Variants in CCDC93 observed in about 807,000 individuals in gnomAD.
CCDC93 encodes coiled-coil domain-containing protein 93.
CCDC93 carries 61 observed loss-of-function variants against 108.2 expected under a neutral mutation model. The ratio of observed to expected loss-of-function variants is 0.56; its 90% CI spans 0.46 to 0.70. The LOEUF (loss-of-function observed/expected upper bound fraction) is 0.70, where lower values mean the gene tolerates loss of function less well. Ranked by LOEUF, CCDC93 falls within the 30% of genes least tolerant of loss-of-function variation. CCDC93 has a pLI of 0.00. For synonymous variants in CCDC93, 276 were observed against 260.4 expected, an observed-to-expected ratio of 1.06 and a Z score of -0.58; for missense variants, 685 against 764.2, an observed-to-expected ratio of 0.90 and a Z score of 1.22.
chr2:117,985,043 G>A (rs535798602), intron 7 of CCDC93, among the ~76,000 whole-genome samples: 2 of 151,840 alleles, frequency 1.3e-5, no homozygotes, highest in South Asian at 4.1e-4. Flanking sequence ...AGCAACTAGT[G>A]AACTGTGGGG....
At position 117,975,827 on chromosome 2, in the gene CCDC93, A is replaced by G. The variant is rs570872829; in HGVS notation, c.658-547T>C. On this transcript the variant is annotated intron_variant, in intron 8 of 23. Transcript: ENST00000376300. Reference sequence around the variant, plus strand: ...ATACGTTTACTGCTCAGAGTAATCAAAACAGTTTGAATACCACTGGTGTGA... The same window carrying G: ...ATACGTTTACTGCTCAGAGTAATCAGAACAGTTTGAATACCACTGGTGTGA... Among the ~76,000 whole-genome samples, 14 of 152,326 alleles carry G rather than the reference A, an allele frequency of 9.2e-5. No homozygotes were observed. The East Asian group carries it at 2.7e-3, about 29-fold the overall frequency.
intron 23 of CCDC93, among the ~76,000 whole-genome samples, chr2:117,923,677 C>A (rs181295950): frequency 8.0e-4 from 77 of 96,050 alleles, no homozygotes; most frequent in African/African-American, 3.6e-3. Context: ...TGCCTGCCTG[C>A]CTGCCTCTAT....
chr2:118,013,951 T>A lies in CCDC93; in HGVS notation c.42+3A>T. ...GTGTCAGGGAAGGAGGAGGCGTTCT[T>A]ACCTCCGGGAGACCCTGGCCCTCCG... On this transcript the variant is annotated splice_donor_region_variant and intron_variant, in intron 1 of 23. Coordinates refer to ENST00000376300, the MANE Select transcript of CCDC93 (RefSeq NM_019044.5). The A allele has an allele frequency of 6.3e-7, 1 of 1,589,868 alleles. No homozygotes were observed. Among genetic ancestry groups the A allele is most frequent in the East Asian group, 2.3e-5 (1 of 43,048 alleles).
chr2:118,004,150 C>T (rs1332116885), intron 3 of CCDC93, among the ~76,000 whole-genome samples: 3 of 152,178 alleles, frequency 2.0e-5, no homozygotes, highest in Non-Finnish European at 2.9e-5. Flanking sequence ...TAACTTGGTC[C>T]AGGTCCAATA....
Position 117,952,367 on chromosome 2 carries a change from G to C in CCDC93, c.1068+6C>G. The stretch of plus-strand genomic sequence containing the variant: ...CCCACAGAAGAAGGAGAATCTATCT[G>C]CTCACCTCTGTCAGCGTTTTCTTGG... On this transcript the variant is annotated splice_donor_region_variant and intron_variant, in intron 13 of 23. Transcript: ENST00000376300. The C allele has an allele frequency of 6.3e-7, 1 of 1,595,410 alleles. No homozygotes were observed. The highest frequency in any genetic ancestry group is 8.6e-7 in the Non-Finnish European group (1 of 1,162,858).
At chr2:117,927,080 T>A (rs1256765132) in intron 23 of CCDC93, among the ~76,000 whole-genome samples, 1 of 152,114 alleles carries the variant, frequency 6.6e-6, no homozygotes, top group Non-Finnish European at 1.5e-5. Flanking sequence ...CACTTCATGC[T>A]AAAAACTCTC....
At chr2:117,936,576 A>G in intron 21 of CCDC93, 126 bp downstream of exon 21, 1 of 789,360 alleles carries the variant, frequency 1.3e-6, no homozygotes, top group Non-Finnish European at 2.3e-6. Flanking sequence ...AAAGAGTAAG[A>G]ATCACATACC....
Position 118,008,580 on chromosome 2 carries a change from T to C in CCDC93, c.121A>G (p.Arg41Gly). The stretch of plus-strand genomic sequence containing the variant: ...GGTGATAAGCCTTTAATTCTTGCCC[T>C]GAAATACCCAGCTGCAACCAAGAGC... Reference protein sequence around the residue: ...LELLVAAGYFRARIKGLSPFD... With the variant: ...LELLVAAGYFGARIKGLSPFD... Residue 41 changes from arginine to glycine, a missense_variant, in exon 2 of 24, where the codon AGG (arginine) becomes GGG (glycine). Transcript: ENST00000376300. The C allele has an allele frequency of 1.2e-6, 2 of 1,612,926 alleles. No individual in the cohort carries two copies. Among genetic ancestry groups the C allele is most frequent in the Non-Finnish European group, 1.7e-6 (2 of 1,178,870 alleles).
intron 4 of CCDC93, chr2:117,997,807 A>G (rs1256676641): frequency 1.3e-5 from 2 of 152,208 alleles, no homozygotes; most frequent in African/African-American, 2.4e-5. Flanking sequence ...AGGGCCAACT[A>G]AGGCAGTTGG....
chr2:118,013,906 C>G (rs972717457), intron 1 of CCDC93, 48 bp downstream of exon 1: 2 of 1,509,210 alleles, frequency 1.3e-6, no homozygotes, highest in Middle Eastern at 1.8e-4. Context: ...CGGCTCGGCC[C>G]TCTCTTCAGG....
Position 118,009,789 on chromosome 2 carries a change from A to G in CCDC93, c.43-1131T>C, listed in dbSNP as rs559560789. The stretch of plus-strand genomic sequence containing the variant: ...CACTGTACTTCCCTTTTCGATCTCG[A>G]AAACAAATATATGAAAGGCTTCCAA... On this transcript the variant is annotated intron_variant, in intron 1 of 23. Coordinates refer to ENST00000376300, the MANE Select transcript of CCDC93 (RefSeq NM_019044.5). Among the ~76,000 whole-genome samples the G allele has an allele frequency of 1.2e-3, 182 of 152,348 alleles. 1 individual carries two copies. The highest frequency in any genetic ancestry group is 4.2e-3 in the African/African-American group (174 of 41,582).
intron 3 of CCDC93, among the ~76,000 whole-genome samples, chr2:118,003,505 A>G (rs1046022629): frequency 4.6e-5 from 7 of 152,206 alleles, no homozygotes; most frequent in South Asian, 2.1e-4. Context: ...ATTTTGGTTC[A>G]GCAGGAGGAG....
chr2:117,947,651 A>G (rs923016823), intron 15 of CCDC93, among the ~76,000 whole-genome samples: 1 of 150,320 alleles, frequency 6.7e-6, no homozygotes, highest in East Asian at 2.0e-4. Context: ...ATGGTGCTCT[A>G]TTCAGCTTAT....
At chr2:117,982,370 A>G (rs1335308710) in intron 7 of CCDC93, among the ~76,000 whole-genome samples, 1 of 152,154 alleles carries the variant, frequency 6.6e-6, no homozygotes, top group African/African-American at 2.4e-5. Flanking sequence ...TAGGTGTGCA[A>G]TTTTGTTTAC....
At chr2:117,949,751 T>C (rs779650156) in intron 13 of CCDC93, 85 of 984,576 alleles carry the variant, frequency 8.6e-5, no homozygotes, top group Non-Finnish European at 1.0e-4. Flanking sequence ...TAGTTGAAAA[T>C]AGTAGACTAA....
chr2:117,950,663 TG>T, intron 13 of CCDC93: 10 of 985,130 alleles, frequency 1.0e-5, no homozygotes, highest in Non-Finnish European at 1.2e-5. Context: ...CTCCTAACCT[TG>T]ATAGGTAAGG....
At position 117,945,555 on chromosome 2, in the gene CCDC93, T is replaced by C. The variant is rs1212150342; in HGVS notation, c.1324A>G (p.Thr442Ala). The C allele has an allele frequency of 6.2e-7, 1 of 1,613,868 alleles. No homozygotes were observed. Among genetic ancestry groups the C allele is most frequent in the Admixed American group, 1.7e-5 (1 of 60,014 alleles). Residue 442 changes from threonine (T) to alanine (A), a missense_variant, in exon 17 of 24, where the codon ACC (threonine) becomes GCC (alanine). Physicochemically the swap from Thr to Ala is moderately conservative, Grantham distance 58. Transcript: ENST00000376300. ...TCATGAGTCATTGCAGAGGTCAAGG[T>C]ACCAGGCGGCTCTCCACTGGAGAGG... ...KTLSSGEPPG[T>A]LTSAMTHDED...
At chr2:117,974,109 C>A in intron 10 of CCDC93, 115 bp from the exon 11 acceptor site, 1 of 758,894 alleles carries the variant, frequency 1.3e-6, no homozygotes, top group Non-Finnish European at 2.3e-6. Context: ...ATAATATTCC[C>A]AGGGGAAATA....
At position 117,916,273 on chromosome 2, in the gene CCDC93, C is replaced by T. The variant is rs1023732346; in HGVS notation, c.*4070G>A. 2.6e-5 allele frequency: 4 copies of T among 152,074 alleles called. No individual in the cohort carries two copies. Among genetic ancestry groups the T allele is most frequent in the African/African-American group, 9.7e-5 (4 of 41,384 alleles). 9.4% of individuals were successfully genotyped at this position (152,074 alleles called of 1,614,324 possible). On this transcript the variant is annotated 3_prime_UTR_variant, in exon 24 of 24. Transcript: ENST00000376300. ...TTTAGGTTCATGACACATTTTGAGC[C>T]AAAACATACCTTATCTCTAACATTA...
Sources: allele counts gnomAD v4.1 joint callset (sites outside exome capture counted in the v4.1 genomes callset), GRCh38; gene constraint gnomAD v4.1.1; transcripts MANE v1.5; gene names NCBI Gene and HGNC (gene_info 2026-07-23, HGNC 2026-07-21).